The following BANK1 variants were observed in gnomAD, a reference collection of about 807,000 sequenced individuals.
The protein encoded by BANK1 is B cell scaffold protein with ankyrin repeats 1.
A neutral mutation model predicts 94.5 loss-of-function variants in BANK1; 95 were observed. That is an observed-to-expected ratio of 1.00 (90% CI 0.85 to 1.19). The LOEUF (loss-of-function observed/expected upper bound fraction) is 1.19, where lower values mean the gene tolerates loss of function less well. Ranked by LOEUF, BANK1 falls within the 50% of genes most tolerant of loss-of-function variation. BANK1 has a pLI of 0.00. For synonymous variants in BANK1, 334 were observed against 308.4 expected (o/e 1.08, Z -0.87); for missense variants, 987 against 932.2 (o/e 1.06, Z -0.77).
intron 7 of BANK1, among the ~76,000 whole-genome samples, chr4:101,962,306 A>T (rs1724598678): frequency 6.6e-6 from 1 of 152,096 alleles, no homozygotes; most frequent in Non-Finnish European, 1.5e-5. Context: ...TGATTCTCTG[A>T]GTCTTTATTC....
intron 7 of BANK1, among the ~76,000 whole-genome samples, chr4:101,958,272 C>T (rs1253450453): frequency 6.6e-6 from 1 of 152,150 alleles, no homozygotes; most frequent in Non-Finnish European, 1.5e-5. Flanking sequence ...AAGAAAGACA[C>T]TACCATCCCC....
intron 7 of BANK1, among the ~76,000 whole-genome samples, chr4:102,016,436 A>G (rs759210227): frequency 2.6e-5 from 4 of 152,264 alleles, no homozygotes; most frequent in Middle Eastern, 3.4e-3. Flanking sequence ...TTTTTTATTC[A>G]TTTTTGAAAA....
At chr4:101,929,833 A>T (rs1723284932) in intron 7 of BANK1, among the ~76,000 whole-genome samples, 1 of 151,524 alleles carries the variant, frequency 6.6e-6, no homozygotes, top group African/African-American at 2.4e-5. Flanking sequence ...TCAGAAAGTG[A>T]TAAATGCTGC....
intron 7 of BANK1, among the ~76,000 whole-genome samples, chr4:101,938,878 C>A (rs1239817782): frequency 6.6e-6 from 1 of 151,652 alleles, no homozygotes; most frequent in Non-Finnish European, 1.5e-5. Context: ...TCAGTCAACT[C>A]TCATCTCTCC....
chr4:101,891,591 T>G (rs1721869686), intron 5 of BANK1, among the ~76,000 whole-genome samples: 4 of 152,060 alleles, frequency 2.6e-5, no homozygotes, highest in South Asian at 4.1e-4. Context: ...ACCCTGTTTC[T>G]CATCTCTTCC....
intron 7 of BANK1, among the ~76,000 whole-genome samples, chr4:101,994,861 C>A (rs1725822917): frequency 6.6e-6 from 1 of 152,084 alleles, no homozygotes; most frequent in African/African-American, 2.4e-5. Context: ...AATCATTTTA[C>A]AAGGTTTATA....
intron 2 of BANK1, among the ~76,000 whole-genome samples, chr4:101,845,759 A>C (rs1315163956): frequency 6.6e-6 from 1 of 152,224 alleles, no homozygotes; most frequent in Non-Finnish European, 1.5e-5. Context: ...AGCAATCCTA[A>C]CTGAAACATC....
intron 7 of BANK1, among the ~76,000 whole-genome samples, chr4:101,977,277 G>A (rs1056029946): frequency 3.3e-5 from 5 of 152,144 alleles, no homozygotes; most frequent in African/African-American, 4.8e-5. Context: ...AAGGGAATGT[G>A]GTGAATCACA....
intron 1 of BANK1, among the ~76,000 whole-genome samples, chr4:101,802,276 A>G (rs1181485717): frequency 6.6e-6 from 1 of 152,238 alleles, no homozygotes; most frequent in Non-Finnish European, 1.5e-5. Context: ...TAAAAGAGTA[A>G]TAGTTGATAT....
At chr4:101,852,401 T>A (rs1047584627) in intron 2 of BANK1, among the ~76,000 whole-genome samples, 1 of 147,672 alleles carries the variant, frequency 6.8e-6, no homozygotes, top group Non-Finnish European at 1.5e-5. Flanking sequence ...ATTAATATTA[T>A]ATATTTATAT....
intron 5 of BANK1, among the ~76,000 whole-genome samples, chr4:101,894,731 G>C (rs1004652678): frequency 6.6e-5 from 10 of 151,894 alleles, no homozygotes; most frequent in Non-Finnish European, 1.0e-4. Flanking sequence ...TAGAACACTT[G>C]AATACTGGAT....
intron 13 of BANK1, among the ~76,000 whole-genome samples, chr4:102,063,970 G>A (rs1010090217): frequency 7.9e-5 from 12 of 152,090 alleles, no homozygotes; most frequent in Non-Finnish European, 1.8e-4. Context: ...GAGGTTAGGG[G>A]AGGGGATACT....
chr4:101,827,206 T>C (rs1334804892), intron 1 of BANK1, among the ~76,000 whole-genome samples: 1 of 151,918 alleles, frequency 6.6e-6, no homozygotes, highest in Non-Finnish European at 1.5e-5. Context: ...TTGCTAATGA[T>C]AGAATTATTT....
chr4:101,825,050 G>T (rs949406490), intron 1 of BANK1, among the ~76,000 whole-genome samples: 1 of 152,040 alleles, frequency 6.6e-6, no homozygotes, highest in Non-Finnish European at 1.5e-5. Flanking sequence ...AATTAATATG[G>T]CTGTATTTTG....
At chr4:101,842,313 G>A (rs760113546) in intron 2 of BANK1, among the ~76,000 whole-genome samples, 3 of 152,152 alleles carry the variant, frequency 2.0e-5, no homozygotes, top group Non-Finnish European at 4.4e-5. Flanking sequence ...ATTTGTTCAC[G>A]ATTGATCAAT....
intron 7 of BANK1, among the ~76,000 whole-genome samples, chr4:101,929,797 A>C (rs183641132): frequency 5.9e-5 from 9 of 151,616 alleles, no homozygotes; most frequent in African/African-American, 2.2e-4. Flanking sequence ...GGGGGGACTA[A>C]AAATGAATAA....
intron 3 of BANK1, among the ~76,000 whole-genome samples, chr4:101,859,839 C>T (rs571381388): frequency 6.6e-6 from 1 of 152,268 alleles, no homozygotes; most frequent in East Asian, 1.9e-4. Context: ...AAAATAAAAA[C>T]ACCCTTAGGA....
intron 2 of BANK1, among the ~76,000 whole-genome samples, chr4:101,830,799 T>C (rs1726587465): frequency 6.6e-6 from 1 of 152,222 alleles, no homozygotes; most frequent in South Asian, 2.1e-4. Context: ...GCTGCTTCCC[T>C]GGTTTCCTTA....
In BANK1 at chr4:101,986,899, G is replaced by GTATATATATA. The variant is rs1166018412; in HGVS notation, c.1207-34592_1207-34583dup. On this transcript the variant is annotated intron_variant, in intron 7 of 16. Coordinates refer to ENST00000322953, the MANE Select transcript of BANK1 (RefSeq NM_017935.5). The stretch of plus-strand genomic sequence containing the variant: ...TGTGTGTGTGTGTGTGTGTGTGTGT[G>GTATATATATA]TATATATATATATATATATATATAT... 7.7e-3 allele frequency among the ~76,000 whole-genome samples: 637 copies of GTATATATATA among 82,650 alleles called. 47 individuals carry two copies. The highest frequency in any genetic ancestry group is 0.022 in the African/African-American group (346 of 15,540). The allele number at this position is 82,650 out of a possible 152,430, so 54.2% of individuals were successfully genotyped here. A position where few individuals can be genotyped will look rare whatever the true frequency, so the allele number is the denominator to read the frequency against.
Sources: gnomAD v4.1 joint callset for allele counts (sites outside exome capture counted in the v4.1 genomes callset) on GRCh38, gnomAD v4.1.1 for gene constraint, MANE v1.5 for transcripts, NCBI Gene and HGNC (gene_info 2026-07-23, HGNC 2026-07-21) for gene names.